The following OLA1 variants were observed in gnomAD, a reference collection of about 807,000 sequenced individuals.
The protein encoded by OLA1 is obg-like ATPase 1.
OLA1 carries 14 observed loss-of-function variants against 48.4 expected under a neutral mutation model. The ratio of observed to expected loss-of-function variants is 0.29; its 90% CI spans 0.19 to 0.45. The LOEUF (loss-of-function observed/expected upper bound fraction) is 0.45. Among genes scored for constraint, OLA1 ranks in the 20% least tolerant of loss-of-function variants. OLA1 has a pLI of 1.00. For synonymous variants in OLA1, 127 were observed against 150.4 expected, an observed-to-expected ratio of 0.84 and a Z score of 1.14; for missense variants, 325 against 467.1, an observed-to-expected ratio of 0.70 and a Z score of 2.80.
intron 5 of OLA1, among the ~76,000 whole-genome samples, chr2:174,131,828 T>C (rs138132520): frequency 6.6e-6 from 1 of 152,240 alleles, no homozygotes; most frequent in African/African-American, 2.4e-5. Flanking sequence ...CTCTGAGGAA[T>C]GGCCTTTTAT....
At chr2:174,145,190 G>A (rs547897115) in intron 4 of OLA1, among the ~76,000 whole-genome samples, 1 of 151,398 alleles carries the variant, frequency 6.6e-6, no homozygotes, top group South Asian at 2.1e-4. Context: ...AGTGATTGGG[G>A]AATATACTAT....
chr2:174,106,416 C>G (rs1430688304), intron 7 of OLA1, among the ~76,000 whole-genome samples: 1 of 152,146 alleles, frequency 6.6e-6, no homozygotes, highest in African/African-American at 2.4e-5. Flanking sequence ...AAAACCCGAT[C>G]ATTCTTTTCA....
intron 7 of OLA1, among the ~76,000 whole-genome samples, chr2:174,094,373 G>A (rs1394983120): frequency 6.6e-6 from 1 of 152,188 alleles, no homozygotes; most frequent in Non-Finnish European, 1.5e-5. Context: ...CAGATCTACA[G>A]ATTCAATGCA....
intron 7 of OLA1, among the ~76,000 whole-genome samples, chr2:174,116,883 A>G (rs550198262): frequency 3.0e-4 from 46 of 152,220 alleles, no homozygotes; most frequent in Non-Finnish European, 6.6e-4. Context: ...AACTGTTTTA[A>G]AAGGTTTTTA....
intron 4 of OLA1, among the ~76,000 whole-genome samples, chr2:174,215,577 T>G (rs1470782479): frequency 6.6e-6 from 1 of 152,176 alleles, no homozygotes; most frequent in Non-Finnish European, 1.5e-5. Flanking sequence ...AAAAACTAGG[T>G]ATGCCATGCA....
intron 5 of OLA1, among the ~76,000 whole-genome samples, chr2:174,129,956 T>A (rs1288566753): frequency 2.0e-5 from 3 of 152,190 alleles, no homozygotes; most frequent in Non-Finnish European, 4.4e-5. Flanking sequence ...AACTGACTTA[T>A]GCTGGTTAGG....
chr2:174,190,272 C>T (rs187134590), intron 4 of OLA1, among the ~76,000 whole-genome samples: 5 of 152,228 alleles, frequency 3.3e-5, no homozygotes, highest in East Asian at 3.9e-4. Flanking sequence ...GTGCCACATA[C>T]GTAATTACCT....
chr2:174,148,125 G>A (rs141107817), intron 4 of OLA1, among the ~76,000 whole-genome samples: 19,968 of 152,236 alleles, frequency 0.13, 1,775 homozygotes, highest in Non-Finnish European at 0.2. Context: ...GGTGGCTCAC[G>A]CCTGTAACCC....
chr2:174,087,318 A>C (rs1333731531), intron 7 of OLA1, among the ~76,000 whole-genome samples: 1 of 151,712 alleles, frequency 6.6e-6, no homozygotes, highest in African/African-American at 2.4e-5. Context: ...GAGCCACTGC[A>C]CTCGGCCCCT....
chr2:174,076,240 T>A (rs1286137304), intron 10 of OLA1, among the ~76,000 whole-genome samples: 1 of 152,190 alleles, frequency 6.6e-6, no homozygotes, highest in Non-Finnish European at 1.5e-5. Flanking sequence ...AATCTGCTGG[T>A]AATTTTAATA....
At chr2:174,144,930 T>TAAAAAAAAAAA (rs71021671) in intron 4 of OLA1, among the ~76,000 whole-genome samples, 1 of 41,116 alleles carries the variant, frequency 2.4e-5, no homozygotes, top group Non-Finnish European at 3.9e-5. Context: ...AGACCCTGTT[T>TAAAAAAAAAAA]AAAAAAAAAA....
At chr2:174,200,399 G>GATTAT (rs1426720682) in intron 4 of OLA1, among the ~76,000 whole-genome samples, 58 of 152,282 alleles carry the variant, frequency 3.8e-4, no homozygotes, top group African/African-American at 1.3e-3. Context: ...ATAGTTGAGT[G>GATTAT]AGAAAGATTA....
intron 4 of OLA1, chr2:174,172,456 G>C (rs67720017): frequency 0.11 from 17,197 of 154,992 alleles, 2,229 homozygotes; most frequent in East Asian, 0.71. Context: ...CTCCTGACAA[G>C]GAAAAGTTCC....
chr2:174,091,613 C>T (rs1327479302), intron 7 of OLA1, among the ~76,000 whole-genome samples: 1 of 151,980 alleles, frequency 6.6e-6, no homozygotes. Flanking sequence ...CAGCTGGGTA[C>T]GGTGGCTCAT....
chr2:174,125,746 CACATTACAAATT>C (rs1288316264), intron 5 of OLA1, among the ~76,000 whole-genome samples: 1 of 152,118 alleles, frequency 6.6e-6, no homozygotes, highest in Non-Finnish European at 1.5e-5. Flanking sequence ...TGCTTTTTCT[CACATTACAAATT>C]ACATTACAAA....
At chr2:174,237,504 C>A (rs75266100) in intron 2 of OLA1, among the ~76,000 whole-genome samples, 21,223 of 152,016 alleles carry the variant, frequency 0.14, 1,649 homozygotes, top group East Asian at 0.23. Flanking sequence ...AATCCCAGCA[C>A]AAAGAGACTG....
intron 4 of OLA1, among the ~76,000 whole-genome samples, chr2:174,181,437 T>C (rs1298109333): frequency 3.3e-5 from 5 of 152,188 alleles, no homozygotes; most frequent in Admixed American, 6.5e-5. Context: ...ATGGGTGATA[T>C]TACTGCATGT....
intron 5 of OLA1, among the ~76,000 whole-genome samples, chr2:174,140,198 C>T (rs140507177): frequency 1.3e-5 from 2 of 152,158 alleles, no homozygotes; most frequent in Non-Finnish European, 2.9e-5. Context: ...AAATGACCTG[C>T]CTATCTTTCT....
chr2:174,085,613 T>C (rs1354834928), intron 7 of OLA1, among the ~76,000 whole-genome samples: 2 of 152,206 alleles, frequency 1.3e-5, no homozygotes, highest in East Asian at 3.9e-4. Context: ...ATTAAATTAA[T>C]ATCAAATTTC....
Sources: allele counts gnomAD v4.1 joint callset (sites outside exome capture counted in the v4.1 genomes callset), GRCh38; gene constraint gnomAD v4.1.1; transcripts MANE v1.5; gene names NCBI Gene and HGNC (gene_info 2026-07-23, HGNC 2026-07-21).